CHPT1: variants seen among roughly 807,000 people sequenced by gnomAD.
CHPT1 encodes the protein cholinephosphotransferase 1.
In CHPT1, 36 loss-of-function variants were observed where a neutral mutation model predicts 47.6. That is an observed-to-expected ratio of 0.76 (90% CI 0.58 to 1.00). The LOEUF is 1.00. Ranked by LOEUF, CHPT1 falls within the 50% of genes least tolerant of loss-of-function variation. The pLI, the probability that CHPT1 is intolerant of heterozygous loss-of-function variation, is 0.00. For synonymous variants in CHPT1, 194 were observed against 186.3 expected (o/e 1.04, Z -0.33); for missense variants, 458 against 498.1 (o/e 0.92, Z 0.77).
chr12:101,707,168 G>A lies in CHPT1; in HGVS notation c.274-6922G>A, dbSNP rs183718172. On this transcript the variant is annotated intron_variant, in intron 1 of 8. Coordinates refer to ENST00000229266, the MANE Select transcript of CHPT1 (RefSeq NM_020244.3). ...TGAAGTTGTAGGTGGAGTAAGAGGTGTATCAGGCAGTCCTTGAAGGAGGGG... is the reference window on the plus strand; with the variant it reads ...TGAAGTTGTAGGTGGAGTAAGAGGTATATCAGGCAGTCCTTGAAGGAGGGG... 5.3e-5 allele frequency among the ~76,000 whole-genome samples: 8 copies of A among 152,342 alleles called. No individual in the cohort carries two copies. In the East Asian group the frequency reaches 1.5e-3, roughly 29 times the overall value.
intron 1 of CHPT1, among the ~76,000 whole-genome samples, chr12:101,701,610 C>A (rs1168254347): frequency 2.6e-5 from 4 of 152,312 alleles, no homozygotes; most frequent in African/African-American, 9.6e-5. Flanking sequence ...CTTTGTAGCT[C>A]TCCTGTGGAT....
intron 1 of CHPT1, among the ~76,000 whole-genome samples, chr12:101,710,601 C>T (rs1354008877): frequency 1.3e-5 from 2 of 148,718 alleles, no homozygotes; most frequent in African/African-American, 2.4e-5. Flanking sequence ...GGTGAACAGT[C>T]TTCATTTCCC....
At chr12:101,724,011 G>A (rs972040516) in intron 7 of CHPT1, among the ~76,000 whole-genome samples, 164 bp downstream of exon 7, 2 of 152,074 alleles carry the variant, frequency 1.3e-5, no homozygotes, top group African/African-American at 4.8e-5. Flanking sequence ...GAGGTCAAGA[G>A]TTTGAGACCA....
chr12:101,714,379 A>G, intron 2 of CHPT1, 125 bp from the exon 3 acceptor site: 1 of 1,168,770 alleles, frequency 8.6e-7, no homozygotes, highest in Non-Finnish European at 1.2e-6. Flanking sequence ...ATTCATTTTG[A>G]TAAGTGTACT....
intron 5 of CHPT1, among the ~76,000 whole-genome samples, chr12:101,720,797 G>A (rs1372659122): frequency 6.6e-6 from 1 of 152,106 alleles, no homozygotes; most frequent in Non-Finnish European, 1.5e-5. Context: ...TAATGCTTTT[G>A]TATTTTTTCA....
chr12:101,705,992 G>C (rs1951626392), intron 1 of CHPT1, among the ~76,000 whole-genome samples: 2 of 151,876 alleles, frequency 1.3e-5, no homozygotes, highest in Admixed American at 6.6e-5. Flanking sequence ...TTCCAAAGTG[G>C]TGAGCTACCA....
At chr12:101,711,308 A>G (rs1045018648) in intron 1 of CHPT1, among the ~76,000 whole-genome samples, 1 of 148,916 alleles carries the variant, frequency 6.7e-6, no homozygotes, top group African/African-American at 2.4e-5. Flanking sequence ...ATATGAATGG[A>G]TAAAGAAACT....
At chr12:101,719,687 TAA>T in intron 4 of CHPT1, 1 of 334,960 alleles carries the variant, frequency 3.0e-6, no homozygotes. Flanking sequence ...TTTTCATGTT[TAA>T]GTCAGATGAA....
chr12:101,711,341 A>G (rs1256656170), intron 1 of CHPT1, among the ~76,000 whole-genome samples: 4 of 148,712 alleles, frequency 2.7e-5, no homozygotes, highest in Non-Finnish European at 4.5e-5. Context: ...ATGGAATATT[A>G]CTGAGCCCTA....
chr12:101,703,717 C>T (rs1001188433), intron 1 of CHPT1, among the ~76,000 whole-genome samples: 2 of 152,202 alleles, frequency 1.3e-5, no homozygotes, highest in African/African-American at 2.4e-5. Context: ...CCCTCCCCAT[C>T]ACAGGCTCCC....
At chr12:101,699,980 T>C (rs1951528635) in intron 1 of CHPT1, among the ~76,000 whole-genome samples, 1 of 152,182 alleles carries the variant, frequency 6.6e-6, no homozygotes, top group African/African-American at 2.4e-5. Context: ...CCAAATGATA[T>C]ATATGCAGAT....
chr12:101,704,322 A>T (rs2137001413), intron 1 of CHPT1, among the ~76,000 whole-genome samples: 1 of 151,658 alleles, frequency 6.6e-6, no homozygotes, highest in South Asian at 2.1e-4. Flanking sequence ...CTTTATGTCA[A>T]CTTTAAATCA....
chr12:101,700,339 AG>A (rs1448589588), intron 1 of CHPT1, among the ~76,000 whole-genome samples: 2 of 138,950 alleles, frequency 1.4e-5, no homozygotes, highest in African/African-American at 5.1e-5. Context: ...AAAAAAAAAA[AG>A]GGTGGAGGGT....
intron 8 of CHPT1, chr12:101,726,773 A>AAAG (rs1951953643): frequency 3.7e-6 from 1 of 268,022 alleles, no homozygotes; most frequent in South Asian, 1.5e-4. Context: ...TTCAGAACAT[A>AAAG]AAGGATTTTA....
chr12:101,727,227 G>GAAT (rs1189306284), intron 8 of CHPT1: 1 of 152,028 alleles, frequency 6.6e-6, no homozygotes, highest in African/African-American at 2.4e-5. Flanking sequence ...CTTCCTTTTA[G>GAAT]AATACAAAAG....
At chr12:101,724,425 G>C (rs557288592) in intron 7 of CHPT1, among the ~76,000 whole-genome samples, 3 of 152,114 alleles carry the variant, frequency 2.0e-5, no homozygotes, top group African/African-American at 7.2e-5. Flanking sequence ...CAAAATACCA[G>C]TACAAAGATG....
At chr12:101,718,005 A>G (rs1471790711) in intron 4 of CHPT1, among the ~76,000 whole-genome samples, 1 of 152,212 alleles carries the variant, frequency 6.6e-6, no homozygotes, top group East Asian at 1.9e-4. Context: ...TTTGTTACTA[A>G]GAGAAAGAAG....
chr12:101,717,355 A>C, intron 4 of CHPT1: 1 of 451,320 alleles, frequency 2.2e-6, no homozygotes, highest in Non-Finnish European at 4.5e-6. Flanking sequence ...TTTGCAAAAG[A>C]AGAACATTTC....
At chr12:101,723,981 C>T in intron 7 of CHPT1, 134 bp downstream of exon 7, 1 of 614,740 alleles carries the variant, frequency 1.6e-6, no homozygotes, top group Non-Finnish European at 2.7e-6. Context: ...CTTTGGGAGG[C>T]CAAGGTGGAC....
Sources: allele counts gnomAD v4.1 joint callset (sites outside exome capture counted in the v4.1 genomes callset), GRCh38; gene constraint gnomAD v4.1.1; transcripts MANE v1.5; gene names NCBI Gene and HGNC (gene_info 2026-07-23, HGNC 2026-07-21).